ENTREP2: variants seen among roughly 807,000 people sequenced by gnomAD.
ENTREP2 encodes protein ENTREP2.
At chr15:29,495,769 T>C in the ENTREP2 span, among the ~76,000 whole-genome samples, 1 of 152,130 alleles carries the variant, frequency 6.6e-6, no homozygotes, top group African/African-American at 2.4e-5. Context: ...TTGGTCTATG[T>C]GTCTGTTTTT....
the ENTREP2 span, among the ~76,000 whole-genome samples, chr15:29,642,515 T>C: frequency 2.0e-5 from 3 of 148,008 alleles, no homozygotes. Context: ...ATATCATATA[T>C]ACATATATAC....
the ENTREP2 span, among the ~76,000 whole-genome samples, chr15:29,174,316 G>A: frequency 2.0e-5 from 3 of 152,292 alleles, no homozygotes; most frequent in Admixed American, 1.3e-4. Flanking sequence ...CAATGGAGTG[G>A]AAATGCAGGG....
At chr15:29,425,960 T>C in the ENTREP2 span, among the ~76,000 whole-genome samples, 1 of 150,916 alleles carries the variant, frequency 6.6e-6, no homozygotes, top group Non-Finnish European at 1.5e-5. Flanking sequence ...ATGCTTCCTG[T>C]TTATCTTTAA....
At chr15:29,314,070 T>A in the ENTREP2 span, among the ~76,000 whole-genome samples, 2 of 152,158 alleles carry the variant, frequency 1.3e-5, no homozygotes, top group African/African-American at 4.8e-5. Context: ...ATTGTTGCAA[T>A]CTCATGAGAA....
the ENTREP2 span, among the ~76,000 whole-genome samples, chr15:29,470,412 C>A: frequency 6.6e-6 from 1 of 152,190 alleles, no homozygotes; most frequent in Admixed American, 6.5e-5. Context: ...AGCCTCCTGC[C>A]AGCTCCCTTG....
chr15:29,514,952 A>AT, the ENTREP2 span, among the ~76,000 whole-genome samples: 1 of 152,062 alleles, frequency 6.6e-6, no homozygotes. Flanking sequence ...AATGTCACCC[A>AT]TGCTCCCAAG....
chr15:29,479,807 C>G, the ENTREP2 span, among the ~76,000 whole-genome samples: 1 of 152,090 alleles, frequency 6.6e-6, no homozygotes, highest in Non-Finnish European at 1.5e-5. Context: ...AGACACTTTT[C>G]CCATTGGGCT....
the ENTREP2 span, among the ~76,000 whole-genome samples, chr15:29,579,608 CT>C: frequency 1.1e-4 from 17 of 149,194 alleles, no homozygotes; most frequent in African/African-American, 4.2e-4. Context: ...CCATCTCCAC[CT>C]CCTGGATTCA....
At chr15:29,453,115 T>C in the ENTREP2 span, among the ~76,000 whole-genome samples, 2 of 152,146 alleles carry the variant, frequency 1.3e-5, no homozygotes, top group African/African-American at 4.8e-5. Flanking sequence ...AGATCAGAAA[T>C]TTCCCGGCTG....
the ENTREP2 span, among the ~76,000 whole-genome samples, chr15:29,577,469 T>A: frequency 6.6e-5 from 10 of 152,028 alleles, no homozygotes; most frequent in Admixed American, 2.6e-4. Context: ...TCCTCTCACC[T>A]CAGCCTCTCA....
chr15:29,498,523 A>G, the ENTREP2 span, among the ~76,000 whole-genome samples: 2 of 152,306 alleles, frequency 1.3e-5, 1 homozygote, highest in South Asian at 4.1e-4. Flanking sequence ...TTAAAATATA[A>G]TTTCAATCTG....
chr15:29,546,613 A>C, the ENTREP2 span, among the ~76,000 whole-genome samples: 45 of 152,228 alleles, frequency 3.0e-4, no homozygotes, highest in African/African-American at 9.4e-4. Flanking sequence ...TTGGCCAGGC[A>C]CGGTGGCTCA....
At chr15:29,674,770 G>A in the ENTREP2 span, among the ~76,000 whole-genome samples, 3 of 144,370 alleles carry the variant, frequency 2.1e-5, no homozygotes, top group Non-Finnish European at 4.6e-5. Context: ...GGAGGAGAGG[G>A]AGGAGGGGGC....
At chr15:29,219,841 C>A in the ENTREP2 span, among the ~76,000 whole-genome samples, 5 of 150,898 alleles carry the variant, frequency 3.3e-5, no homozygotes. Context: ...AAGAGTAATA[C>A]AATGGACTGT....
the ENTREP2 span, among the ~76,000 whole-genome samples, chr15:29,354,250 T>A: frequency 2.0e-5 from 3 of 152,130 alleles, no homozygotes; most frequent in Admixed American, 6.5e-5. Flanking sequence ...CACCAGCAGC[T>A]CCACCCCTCC....
the ENTREP2 span, among the ~76,000 whole-genome samples, chr15:29,253,809 G>A: frequency 4.0e-5 from 6 of 151,284 alleles, no homozygotes; most frequent in African/African-American, 1.5e-4. Context: ...ATTTATTAGG[G>A]TTTCCAAAAT....
the ENTREP2 span, among the ~76,000 whole-genome samples, chr15:29,665,338 T>G: frequency 1.3e-5 from 2 of 152,224 alleles, no homozygotes; most frequent in Non-Finnish European, 2.9e-5. Flanking sequence ...ACTTGCAATA[T>G]AGGCAAAATG....
the ENTREP2 span, chr15:29,234,429 T>TC: frequency 6.6e-7 from 1 of 1,513,026 alleles, no homozygotes; most frequent in Non-Finnish European, 9.2e-7. Flanking sequence ...ATTCCAGTAG[T>TC]CCCTCGACCT....
the ENTREP2 span, among the ~76,000 whole-genome samples, chr15:29,585,672 C>T: frequency 6.6e-6 from 1 of 151,378 alleles, no homozygotes; most frequent in Non-Finnish European, 1.5e-5. Context: ...CTGGCTAATA[C>T]GGGGAAACCC....
Sources: gnomAD v4.1 joint callset for allele counts (sites outside exome capture counted in the v4.1 genomes callset) on GRCh38, gnomAD v4.1.1 for gene constraint, MANE v1.5 for transcripts, NCBI Gene and HGNC (gene_info 2026-07-23, HGNC 2026-07-21) for gene names.